STAU1: variants seen among roughly 807,000 people sequenced by gnomAD.
STAU1 encodes the protein double-stranded RNA-binding protein Staufen homolog 1.
Under a neutral mutation model 62.9 loss-of-function variants are expected in STAU1, and 13 were observed. The ratio of observed to expected loss-of-function variants is 0.21; its 90% confidence interval spans 0.13 to 0.33. The LOEUF is 0.33. Among genes scored for constraint, STAU1 ranks in the 10% least tolerant of loss-of-function variants. STAU1 has a pLI of 1.00. For synonymous variants in STAU1, 269 were observed against 265.1 expected, an observed-to-expected ratio of 1.01 and a Z score of -0.14; for missense variants, 571 against 712.1, an observed-to-expected ratio of 0.80 and a Z score of 2.25.
At chr20:49,150,414 T>C (rs1000852917) in intron 5 of STAU1, among the ~76,000 whole-genome samples, 4 of 151,744 alleles carry the variant, frequency 2.6e-5, no homozygotes, top group Non-Finnish European at 4.4e-5. Context: ...GAGGCTGGAG[T>C]GCAGTGGCAC....
chr20:49,216,733 A>G, the STAU1 span, among the ~76,000 whole-genome samples: 3 of 151,978 alleles, frequency 2.0e-5, no homozygotes, highest in Non-Finnish European at 4.4e-5. Flanking sequence ...AAAGAATGAC[A>G]TGGGACGTGG....
At chr20:49,158,327 AATCACTGAAT>A in intron 3 of STAU1, 1 of 719,736 alleles carries the variant, frequency 1.4e-6, no homozygotes, top group Non-Finnish European at 2.1e-6. Flanking sequence ...CTTCTGATGT[AATCACTGAAT>A]ATCACTTTAT....
intron 9 of STAU1, among the ~76,000 whole-genome samples, chr20:49,119,165 G>A (rs1286168373): frequency 6.6e-6 from 1 of 152,134 alleles, no homozygotes; most frequent in Non-Finnish European, 1.5e-5. Flanking sequence ...TACCACTTCT[G>A]GCAGACACGA....
chr20:49,219,268 G>GA, the STAU1 span: 1 of 1,391,264 alleles, frequency 7.2e-7, no homozygotes, highest in Non-Finnish European at 9.6e-7. Context: ...GGCGTCACAC[G>GA]AAACCAACCA....
At chr20:49,146,087 T>C (rs537972248) in intron 5 of STAU1, among the ~76,000 whole-genome samples, 8 of 152,098 alleles carry the variant, frequency 5.3e-5, no homozygotes, top group East Asian at 3.9e-4. Flanking sequence ...CTGGGAAACA[T>C]GGTGAAACCT....
the STAU1 span, among the ~76,000 whole-genome samples, chr20:49,204,981 T>TA: frequency 1.4e-3 from 207 of 151,044 alleles, no homozygotes; most frequent in African/African-American, 4.8e-3. Flanking sequence ...CCCACTGTCA[T>TA]AAAAAAAAAT....
At position 49,154,082 on chromosome 20, in the gene STAU1, G is replaced by C. The variant is rs1472282139; in HGVS notation, c.206-11C>G. ...TAGGGGTTATGCTTTCTGCAAGAAAGAATCGACAAAGAACTGTTTTTTTCT... is the reference window on the plus strand; with the variant it reads ...TAGGGGTTATGCTTTCTGCAAGAAACAATCGACAAAGAACTGTTTTTTTCT... On this transcript the variant is annotated splice_polypyrimidine_tract_variant and intron_variant, in intron 3 of 13. Coordinates refer to ENST00000371856, the MANE Select transcript of STAU1 (RefSeq NM_017453.4). 2 of 1,588,850 alleles carry C rather than the reference G, an allele frequency of 1.3e-6. No individual in the cohort carries two copies. Among genetic ancestry groups the C allele is most frequent in the South Asian group, 1.2e-5 (1 of 85,856 alleles).
At chr20:49,217,694 T>TA in the STAU1 span, among the ~76,000 whole-genome samples, 33 of 143,090 alleles carry the variant, frequency 2.3e-4, 1 homozygote, top group Non-Finnish European at 3.7e-4. Flanking sequence ...TATATATATA[T>TA]TTTTAGGCCA....
intron 3 of STAU1, among the ~76,000 whole-genome samples, chr20:49,163,823 A>T (rs570227290): frequency 6.6e-6 from 1 of 152,004 alleles, no homozygotes; most frequent in Admixed American, 6.6e-5. Context: ...GGAGTAAGAC[A>T]GCACGATCAC....
chr20:49,186,207 G>T (rs373194550), intron 1 of STAU1, among the ~76,000 whole-genome samples: 11 of 152,066 alleles, frequency 7.2e-5, no homozygotes, highest in African/African-American at 2.7e-4. Context: ...TTAACACGGC[G>T]CGGTGGCGGG....
At chr20:49,204,948 C>T in the STAU1 span, among the ~76,000 whole-genome samples, 2 of 151,742 alleles carry the variant, frequency 1.3e-5, no homozygotes, top group Non-Finnish European at 2.9e-5. Context: ...CTGTGCCTGG[C>T]CCACTCCTGG....
the STAU1 span, among the ~76,000 whole-genome samples, chr20:49,206,370 A>G: frequency 6.6e-6 from 1 of 151,142 alleles, no homozygotes; most frequent in Non-Finnish European, 1.5e-5. Flanking sequence ...CTTATCATGA[A>G]AAACAATGTC....
chr20:49,195,739 A>G, the STAU1 span, among the ~76,000 whole-genome samples: 1 of 150,530 alleles, frequency 6.6e-6, no homozygotes, highest in Non-Finnish European at 1.5e-5. Flanking sequence ...CCCCGTCTCT[A>G]CTAAAAATAC....
chr20:49,125,198 CAAAAAA>C (rs1171534142), intron 6 of STAU1, among the ~76,000 whole-genome samples: 27 of 33,736 alleles, frequency 8.0e-4, no homozygotes, highest in East Asian at 5.6e-3. Flanking sequence ...CTCATTTTTG[CAAAAAA>C]AAAAAAAAAA....
At chr20:49,165,802 G>A (rs1232005389) in intron 3 of STAU1, among the ~76,000 whole-genome samples, 195 bp downstream of exon 3, 2 of 140,268 alleles carry the variant, frequency 1.4e-5, no homozygotes, top group East Asian at 2.1e-4. Context: ...ACCTACAATC[G>A]TCTGTCAACT....
chr20:49,179,349 A>C (rs565747461), intron 1 of STAU1: 86 of 152,350 alleles, frequency 5.6e-4, no homozygotes, highest in African/African-American at 1.9e-3. Context: ...TGGTGCTTGA[A>C]TAAATTCTCA....
chr20:49,116,630 C>T (rs1329001512), intron 12 of STAU1, among the ~76,000 whole-genome samples: 1 of 152,190 alleles, frequency 6.6e-6, no homozygotes, highest in Non-Finnish European at 1.5e-5. Flanking sequence ...GCCACCACAC[C>T]CCACCCAGAG....
intron 2 of STAU1, among the ~76,000 whole-genome samples, chr20:49,170,760 A>G (rs57967013): frequency 0.012 from 1,766 of 151,232 alleles, 39 homozygotes; most frequent in African/African-American, 0.04. Context: ...ATAATAAGTG[A>G]TATTTCCAAA....
the STAU1 span, among the ~76,000 whole-genome samples, chr20:49,207,438 T>G: frequency 6.6e-6 from 1 of 152,218 alleles, no homozygotes; most frequent in African/African-American, 2.4e-5. Flanking sequence ...TTTTTCTGTC[T>G]TCATGTGGCC....
Sources: gnomAD v4.1 joint callset for allele counts (sites outside exome capture counted in the v4.1 genomes callset) on GRCh38, gnomAD v4.1.1 for gene constraint, MANE v1.5 for transcripts, NCBI Gene and HGNC (gene_info 2026-07-23, HGNC 2026-07-21) for gene names.